ZNF658: variants seen among roughly 807,000 people sequenced by gnomAD.
The protein encoded by ZNF658 is zinc finger protein 658.
A neutral mutation model predicts 78.0 loss-of-function variants in ZNF658; 46 were observed. That is an observed-to-expected ratio of 0.59 (90% CI 0.47 to 0.75). The LOEUF (loss-of-function observed/expected upper bound fraction) is 0.75. Among genes scored for constraint, ZNF658 ranks in the 30% least tolerant of loss-of-function variants. The probability of loss-of-function intolerance (pLI) is 0.00; values close to 1 mark genes in which losing one functional copy is unlikely to be tolerated. For missense variants in ZNF658, 785 were observed against 1,189.3 expected, an observed-to-expected ratio of 0.66 and a Z score of 5.00; for synonymous variants, 279 against 408.4, an observed-to-expected ratio of 0.68 and a Z score of 3.82.
chr9:66,928,705 A>AT (rs1422401171), intron 6 of ZNF658, among the ~76,000 whole-genome samples: 1 of 150,816 alleles, frequency 6.6e-6, no homozygotes, highest in Non-Finnish European at 1.5e-5. Flanking sequence ...ACAAAAAAAA[A>AT]AAAAAATAGC....
At chr9:66,922,238 G>T (rs995257069), downstream of ZNF658, among the ~76,000 whole-genome samples, 3 of 150,246 alleles carry the variant, frequency 2.0e-5, no homozygotes, top group African/African-American at 7.3e-5. Flanking sequence ...GATTTTCCAG[G>T]TACTGTCTGT....
downstream of ZNF658, among the ~76,000 whole-genome samples, chr9:66,922,019 T>A (rs28419183): frequency 0.97 from 66,559 of 68,820 alleles, 32,371 homozygotes; most frequent in Middle Eastern, 1. Context: ...CTTCCTGGCC[T>A]CTTTGTTTAT....
intron 1 of ZNF658, among the ~76,000 whole-genome samples, chr9:66,901,278 G>A (rs1821946846): frequency 6.6e-6 from 1 of 152,070 alleles, no homozygotes; most frequent in Non-Finnish European, 1.5e-5. Flanking sequence ...TAAAAAAATG[G>A]ACGAAAGTTC....
rs1822416372 is a variant in ZNF658, at chr9:66,918,743, T to C, written c.1177T>C (p.Phe393Leu). 1 of 1,613,920 alleles carries C rather than the reference T, an allele frequency of 6.2e-7. No homozygotes were observed. The highest frequency in any genetic ancestry group is 8.5e-7 in the Non-Finnish European group (1 of 1,179,850). The change falls in exon 5 of 5, where the codon TTT (phenylalanine) becomes CTT (leucine). Residue 393 changes from phenylalanine to leucine, a missense_variant. By Grantham distance (22) the Phe-to-Leu change is conservative. Coordinates refer to ENST00000621410, the MANE Select transcript of ZNF658 (RefSeq NM_033160.7). ...TGAACATGGGAAATGCAGAAAATCC[T>C]TTTACCGGAAAGCACACCTCATTCA... ...SDEHGKCRKS[F>L]YRKAHLIQHQ...
intron 4 of ZNF658, among the ~76,000 whole-genome samples, chr9:66,914,451 T>G (rs564020941): frequency 3.4e-4 from 51 of 152,064 alleles, no homozygotes; most frequent in Non-Finnish European, 6.2e-4. Flanking sequence ...TTTTTATTCT[T>G]ACCTTTTTGC....
chr9:66,923,156 C>T (rs568720100), downstream of ZNF658, among the ~76,000 whole-genome samples: 355 of 145,350 alleles, frequency 2.4e-3, 3 homozygotes, highest in African/African-American at 7.9e-3. Flanking sequence ...TGGCTGAAGG[C>T]CCAAGAGCCC....
At position 66,908,282 on chromosome 9, in the gene ZNF658, G is replaced by C; in HGVS notation, c.60G>C (p.Glu20Asp). 6.2e-7 allele frequency: 1 copy of C among 1,614,112 alleles called. No homozygotes were observed. Among genetic ancestry groups the C allele is most frequent in the South Asian group, 1.1e-5 (1 of 91,076 alleles). ...ACGTGACTGTGGAATTCACCCGGGA[G>C]GAGTGGCAGCACCTGGGCCCTGTCG... ...FQDVTVEFTR[E>D]EWQHLGPVER... Residue 20 changes from glutamate (E) to aspartate (D), a missense_variant, in exon 3 of 5, where the codon GAG becomes GAC. Transcript: ENST00000621410.
At chr9:66,921,720 T>G (rs1822530760), downstream of ZNF658, among the ~76,000 whole-genome samples, 1 of 151,582 alleles carries the variant, frequency 6.6e-6, no homozygotes, top group South Asian at 2.1e-4. Context: ...AAGCTTCGTC[T>G]CAGAGGGGTA....
At chr9:66,910,618 C>T (rs566918679) in intron 4 of ZNF658, among the ~76,000 whole-genome samples, 40 of 152,022 alleles carry the variant, frequency 2.6e-4, no homozygotes, top group African/African-American at 9.4e-4. Context: ...ACCATCCTGG[C>T]TAACACGGTG....
chr9:66,929,872 C>T (rs1351735660), intron 6 of ZNF658, among the ~76,000 whole-genome samples: 5 of 133,516 alleles, frequency 3.7e-5, no homozygotes, highest in South Asian at 5.2e-4. Context: ...CAACCTTCGC[C>T]TCCCGGGTTC....
intron 2 of ZNF658, among the ~76,000 whole-genome samples, chr9:66,907,232 C>T (rs1485597968): frequency 6.6e-6 from 1 of 152,112 alleles, no homozygotes; most frequent in Non-Finnish European, 1.5e-5. Flanking sequence ...TGCTTATCTT[C>T]ATCCCCATCT....
At chr9:66,916,348 G>T (rs926444721) in intron 4 of ZNF658, among the ~76,000 whole-genome samples, 1 of 151,832 alleles carries the variant, frequency 6.6e-6, no homozygotes, top group Non-Finnish European at 1.5e-5. Flanking sequence ...CAGTTCTTTT[G>T]TATTTCTCCA....
chr9:66,907,352 C>T (rs1353746971), intron 2 of ZNF658, among the ~76,000 whole-genome samples: 2 of 151,966 alleles, frequency 1.3e-5, no homozygotes, highest in African/African-American at 4.8e-5. Context: ...TTCTTCTTTC[C>T]CAGATACCAG....
At chr9:66,912,170 A>T (rs1414944315) in intron 4 of ZNF658, among the ~76,000 whole-genome samples, 6 of 122,142 alleles carry the variant, frequency 4.9e-5, no homozygotes, top group African/African-American at 2.3e-4. Flanking sequence ...AAAAACATAT[A>T]CTTGATAGAC....
Position 66,918,252 on chromosome 9 carries a change from T to G in ZNF658, c.686T>G (p.Ile229Ser), listed in dbSNP as rs1292406566. Residue 229 changes from isoleucine (I) to serine (S), a missense_variant, in exon 5 of 5, where the codon ATT (isoleucine) becomes AGT (serine). Coordinates refer to ENST00000621410, the MANE Select transcript of ZNF658 (RefSeq NM_033160.7). ...GGACAAGGTTTATATGATAAGACAATTTGTATTACACCTCAGAGTTTTCTA... is the reference window on the plus strand; with the variant it reads ...GGACAAGGTTTATATGATAAGACAAGTTGTATTACACCTCAGAGTTTTCTA... ...GSGQGLYDKT[I>S]CITPQSFLTG... 1 of 1,607,680 alleles carries G rather than the reference T, an allele frequency of 6.2e-7. No homozygotes were observed. Among genetic ancestry groups the G allele is most frequent in the South Asian group, 1.1e-5 (1 of 89,802 alleles).
Position 66,919,031 on chromosome 9 carries a change from G to A in ZNF658, c.1465G>A (p.Ala489Thr). The part of the protein sequence containing the change: ...SPLIGHQKTD[A>T]EMELCGGSEY... Reference sequence around the variant, plus strand: ...CCTCATAGGACACCAGAAAACAGATGCAGAGATGGAACTCTGTGGTGGCAG... The same window carrying A: ...CCTCATAGGACACCAGAAAACAGATACAGAGATGGAACTCTGTGGTGGCAG... The change falls in exon 5 of 5, where the codon GCA becomes ACA. Residue 489 changes from alanine (A) to threonine (T), a missense_variant. By Grantham distance (58) the Ala-to-Thr change is moderately conservative. Transcript: ENST00000621410. 1.2e-6 allele frequency: 1 copy of A among 811,376 alleles called. No individual in the cohort carries two copies. The highest frequency in any genetic ancestry group is 1.9e-6 in the Non-Finnish European group (1 of 537,140). 50.3% of individuals were successfully genotyped at this position (811,376 alleles called of 1,614,324 possible).
intron 1 of ZNF658, chr9:66,901,040 G>A (rs1004510562): frequency 1.8e-4 from 27 of 152,304 alleles, no homozygotes; most frequent in African/African-American, 5.8e-4. Flanking sequence ...GCCGGGAAGA[G>A]GAAATGTGCG....
At position 66,918,795 on chromosome 9, in the gene ZNF658, A is replaced by C; in HGVS notation, c.1229A>C (p.Lys410Thr). 2 of 1,613,808 alleles carry C rather than the reference A, an allele frequency of 1.2e-6. No individual in the cohort carries two copies. The highest frequency in any genetic ancestry group is 1.7e-6 in the Non-Finnish European group (2 of 1,179,832). The change falls in exon 5 of 5, where the codon AAA (lysine) becomes ACA (threonine). Residue 410 changes from lysine (K) to threonine (T), a missense_variant. Lys to Thr is a moderately conservative substitution (Grantham distance 78, BLOSUM62 -1). Coordinates refer to ENST00000621410, the MANE Select transcript of ZNF658 (RefSeq NM_033160.7). ...CATCAGAGGCCCCACTCAGGAGAGA[A>C]AACTTACCAATATGAGGAATGTGCA... ...IQHQRPHSGEKTYQYEECAKS... is the reference protein window; with the variant it reads ...IQHQRPHSGETTYQYEECAKS...
At chr9:66,908,524 C>T in intron 3 of ZNF658, 115 bp from the exon 4 acceptor site, 2 of 1,449,078 alleles carry the variant, frequency 1.4e-6, no homozygotes, top group East Asian at 2.4e-5. Flanking sequence ...CATTACTTTC[C>T]CATTAAAAAT....
Sources: gnomAD v4.1 joint callset for allele counts (sites outside exome capture counted in the v4.1 genomes callset) on GRCh38, gnomAD v4.1.1 for gene constraint, MANE v1.5 for transcripts, NCBI Gene and HGNC (gene_info 2026-07-23, HGNC 2026-07-21) for gene names.